Variants in TBC1D16 observed in about 807,000 individuals in gnomAD.
TBC1D16 encodes CTD-2529O21.1.
In TBC1D16, 58 loss-of-function variants were observed where a neutral mutation model predicts 74.7. The ratio of observed to expected loss-of-function variants is 0.78; its 90% CI spans 0.63 to 0.97. The LOEUF (loss-of-function observed/expected upper bound fraction) is 0.97, where lower values mean the gene tolerates loss of function less well. Among genes scored for constraint, TBC1D16 ranks in the 50% least tolerant of loss-of-function variants. TBC1D16 has a pLI of 0.00. For missense variants in TBC1D16, 1,014 were observed against 1,079.5 expected, an observed-to-expected ratio of 0.94 and a Z score of 0.85; for synonymous variants, 493 against 474.7, an observed-to-expected ratio of 1.04 and a Z score of -0.50.
In TBC1D16 at chr17:80,026,456, G is replaced by T. The variant is rs12952176; in HGVS notation, c.-63+9339C>A. On this transcript the variant is annotated intron_variant, in intron 1 of 11. Transcript: ENST00000310924. ...AAACAAACATCATCTTCTGGGGGAG[G>T]GGGGAATCTATTAGTTTAAAATAAA... 2.0e-5 allele frequency among the ~76,000 whole-genome samples: 3 copies of T among 149,354 alleles called. 1 individual carries two copies. Among genetic ancestry groups the T allele is most frequent in the African/African-American group, 5.1e-5 (2 of 38,924 alleles).
At chr17:79,945,722 C>T (rs2032472169) in intron 9 of TBC1D16, among the ~76,000 whole-genome samples, 1 of 152,230 alleles carries the variant, frequency 6.6e-6, no homozygotes, top group Non-Finnish European at 1.5e-5. Flanking sequence ...TGCCATGAGC[C>T]GTCAGAGGCG....
rs2035459986 is a variant in TBC1D16 at position 80,000,849 on chromosome 17, G to C, written c.779+9311C>G. 2.0e-5 allele frequency among the ~76,000 whole-genome samples: 3 copies of C among 152,190 alleles called. No homozygotes were observed. The highest frequency in any genetic ancestry group is 7.2e-5 in the African/African-American group (3 of 41,438). On this transcript the variant is annotated intron_variant, in intron 3 of 11. Coordinates refer to ENST00000310924, the MANE Select transcript of TBC1D16 (RefSeq NM_019020.4). The surrounding 1 kb of genome is among the most constrained non-coding windows in gnomAD (Gnocchi z 4.1). The stretch of plus-strand genomic sequence containing the variant: ...GAGTGGAGCTTGGATTCACAGCTGG[G>C]TCTCTGACCAAAGCTCACTTACAGG...
rs1261979780 is a variant in TBC1D16, at chr17:79,949,026, C to A, written c.1407-20G>T. On this transcript the variant is annotated intron_variant, in intron 7 of 11. Coordinates refer to ENST00000310924, the MANE Select transcript of TBC1D16 (RefSeq NM_019020.4). ...GAGAGCCTGTGTGGAGCCGAGCACCCAGCCGGGGTCAGCGGGTGGCACCCA... is the reference window on the plus strand; with the variant it reads ...GAGAGCCTGTGTGGAGCCGAGCACCAAGCCGGGGTCAGCGGGTGGCACCCA... 2 of 1,613,444 alleles carry A rather than the reference C, an allele frequency of 1.2e-6. No homozygotes were observed. The highest frequency in any genetic ancestry group is 2.2e-5 in the East Asian group (1 of 44,882).
intron 2 of TBC1D16, among the ~76,000 whole-genome samples, chr17:80,012,377 A>AG (rs1304719897): frequency 1.3e-5 from 2 of 152,160 alleles, no homozygotes; most frequent in African/African-American, 4.8e-5. Flanking sequence ...AGGGCACTCC[A>AG]GGGAAGCCCC....
chr17:80,006,880 TG>T (rs1480455714), intron 3 of TBC1D16, among the ~76,000 whole-genome samples: 4 of 152,144 alleles, frequency 2.6e-5, no homozygotes, highest in Non-Finnish European at 5.9e-5. Flanking sequence ...AGGCTGGTCT[TG>T]AACTCCTAGG....
intron 3 of TBC1D16, among the ~76,000 whole-genome samples, chr17:79,976,500 G>C (rs965574905): frequency 3.3e-5 from 5 of 152,196 alleles, no homozygotes; most frequent in African/African-American, 9.7e-5. Context: ...GAATGACTGC[G>C]TCGGTCACAT....
In TBC1D16 at chr17:79,949,806, C is replaced by G. The variant is rs978786940; in HGVS notation, c.1317G>C (p.Leu439=). 1.9e-6 allele frequency: 3 copies of G among 1,613,700 alleles called. No homozygotes were observed. In the African/African-American group the frequency reaches 4.0e-5, roughly 22 times the overall value. ...SIRGEVWPFL[L]RYYSHESTSE... ...ACGTGGACTCGTGGCTGTAATAGCG[C>G]AGCAGGAAGGGCCAGACCTCCCCGC... is the stretch of plus-strand genomic sequence containing the variant. The change falls in exon 7 of 12, where the codon CTG becomes CTC. Residue 439 remains leucine (L), a synonymous_variant. Transcript: ENST00000310924.
chr17:80,019,439 A>AC (rs71163907), intron 1 of TBC1D16, among the ~76,000 whole-genome samples: 49,088 of 134,732 alleles, frequency 0.36, 9,493 homozygotes, highest in East Asian at 0.55. Context: ...CACCAGGACA[A>AC]CCCCCCCCCG....
At chr17:80,030,686 G>C (rs926347611) in intron 1 of TBC1D16, among the ~76,000 whole-genome samples, 3 of 152,350 alleles carry the variant, frequency 2.0e-5, no homozygotes, top group Admixed American at 1.3e-4. Context: ...GGACAGACCT[G>C]GTCCTGGAAA....
At position 79,986,681 on chromosome 17, in the gene TBC1D16, C is replaced by CTCTT. The variant is rs56737641; in HGVS notation, c.779+23478_779+23479insAAGA. Among the ~76,000 whole-genome samples, 62 of 152,316 alleles carry CTCTT rather than the reference C, an allele frequency of 4.1e-4. 3 individuals carry two copies. The East Asian group carries it at 0.011, about 28-fold the overall frequency. On this transcript the variant is annotated intron_variant, in intron 3 of 11. Coordinates refer to ENST00000310924, the MANE Select transcript of TBC1D16 (RefSeq NM_019020.4). The surrounding 1 kb of genome is among the most constrained non-coding windows in gnomAD (Gnocchi z 6.0). The stretch of plus-strand genomic sequence containing the variant: ...GCCTCTTATTAAAGGGCAGAGCCAC[C>CTCTT]ATGGTGGGTGAACGGGCTTCCTCTC...
chr17:80,006,443 C>T (rs975922890), intron 3 of TBC1D16, among the ~76,000 whole-genome samples: 1 of 152,090 alleles, frequency 6.6e-6, no homozygotes, highest in Non-Finnish European at 1.5e-5. Flanking sequence ...TGCTCTACAG[C>T]GTCTAGGACA....
Position 79,934,851 on chromosome 17 carries a change from A to G in TBC1D16, c.*6008T>C. ...CCTCCAGCCCCCGCCCCCAGGCAAA[A>G]GGGGAAAAGACACACAGAGAACAAC... On this transcript the variant is annotated 3_prime_UTR_variant, in exon 12 of 12. Transcript: ENST00000310924. The G allele has an allele frequency of 6.6e-6, 1 of 152,544 alleles. No homozygotes were observed. Among genetic ancestry groups the G allele is most frequent in the Non-Finnish European group, 1.5e-5 (1 of 68,212 alleles). The allele number at this position is 152,544 out of a possible 1,614,324, so 9.4% of individuals were successfully genotyped here.
At position 79,933,436 on chromosome 17, in the gene TBC1D16, C is replaced by T. The variant is rs2031384238; in HGVS notation, c.*7423G>A. 6.6e-6 allele frequency: 1 copy of T among 152,224 alleles called. No homozygotes were observed. Among genetic ancestry groups the T allele is most frequent in the Non-Finnish European group, 1.5e-5 (1 of 68,046 alleles). 9.4% of individuals were successfully genotyped at this position (152,224 alleles called of 1,614,324 possible). On this transcript the variant is annotated 3_prime_UTR_variant, in exon 12 of 12. Coordinates refer to ENST00000310924, the MANE Select transcript of TBC1D16 (RefSeq NM_019020.4). Reference sequence around the variant, plus strand: ...GGGTGTCCCGACGACGATAAAGAGCCAGGAGCAGAGAGCCCTGCATCTTGC... The same window carrying T: ...GGGTGTCCCGACGACGATAAAGAGCTAGGAGCAGAGAGCCCTGCATCTTGC...
At position 79,950,771 on chromosome 17, in the gene TBC1D16, G is replaced by A. The variant is rs951197267; in HGVS notation, c.1090-193C>T. 29 of 1,536,246 alleles carry A rather than the reference G, an allele frequency of 1.9e-5. No homozygotes were observed. The highest frequency in any genetic ancestry group is 3.3e-4 in the Middle Eastern group (2 of 5,990). ...ATGAAAATACCTTCATCTTAAAATCGGTTTCCCTCTGCGGCTCTCTCCTCC... is the reference window on the plus strand; with the variant it reads ...ATGAAAATACCTTCATCTTAAAATCAGTTTCCCTCTGCGGCTCTCTCCTCC... On this transcript the variant is annotated intron_variant, in intron 5 of 11. Transcript: ENST00000310924. This position sits in a 1 kb window ranked among gnomAD's most constrained non-coding sequence, Gnocchi z 4.6.
chr17:79,969,214 C>T (rs1349982332), intron 3 of TBC1D16, among the ~76,000 whole-genome samples: 12 of 151,998 alleles, frequency 7.9e-5, no homozygotes, highest in African/African-American at 2.9e-4. Flanking sequence ...TGGTGAAACC[C>T]CATCTCTCTA....
chr17:79,943,069 G>C, intron 10 of TBC1D16, among the ~76,000 whole-genome samples: 1 of 152,336 alleles, frequency 6.6e-6, no homozygotes. Context: ...GTCTCCTGAC[G>C]TCGACCACAC....
At chr17:79,942,423 GC>G (rs2143424463) in intron 10 of TBC1D16, among the ~76,000 whole-genome samples, 1 of 151,684 alleles carries the variant, frequency 6.6e-6, no homozygotes, top group East Asian at 2.0e-4. Context: ...GTACCCGCAT[GC>G]CCAGGCTGCT....
intron 1 of TBC1D16, among the ~76,000 whole-genome samples, chr17:80,027,439 A>G (rs1010053150): frequency 1.3e-5 from 2 of 152,090 alleles, no homozygotes; most frequent in African/African-American, 4.8e-5. Context: ...TCTACAAAAA[A>G]ACTTTAAAAA....
intron 1 of TBC1D16, among the ~76,000 whole-genome samples, chr17:80,015,111 C>G (rs1027219142): frequency 6.6e-6 from 1 of 152,152 alleles, no homozygotes; most frequent in Non-Finnish European, 1.5e-5. Flanking sequence ...CACCAAGCCA[C>G]GCCAAGGAAC....
Sources: gnomAD v4.1 joint callset for allele counts (sites outside exome capture counted in the v4.1 genomes callset) on GRCh38, gnomAD v4.1.1 for gene constraint, Gnocchi (gnomAD v3.1) non-coding constraint, MANE v1.5 for transcripts, NCBI Gene and HGNC (gene_info 2026-07-23, HGNC 2026-07-21) for gene names.